The following MCF2L2 variants were observed in gnomAD, a reference collection of about 807,000 sequenced individuals.
The protein encoded by MCF2L2 is MCF.2 cell line derived transforming sequence-like 2, also known as probable guanine nucleotide exchange factor MCF2L2.
In MCF2L2, 102 loss-of-function variants were observed where a neutral mutation model predicts 150.2. The ratio of observed to expected loss-of-function variants is 0.68; its 90% CI spans 0.58 to 0.80. The LOEUF (loss-of-function observed/expected upper bound fraction) is 0.80, where lower values mean the gene tolerates loss of function less well. Ranked by LOEUF, MCF2L2 falls within the 30% of genes least tolerant of loss-of-function variation. The pLI, the probability that MCF2L2 is intolerant of heterozygous loss-of-function variation, is 0.00. For missense variants in MCF2L2, 1,256 were observed against 1,372.8 expected, an observed-to-expected ratio of 0.91 and a Z score of 1.34; for synonymous variants, 465 against 491.3, an observed-to-expected ratio of 0.95 and a Z score of 0.71.
intron 3 of MCF2L2, among the ~76,000 whole-genome samples, chr3:183,361,018 G>T (rs1228460103): frequency 8.0e-6 from 1 of 124,468 alleles, no homozygotes; most frequent in Non-Finnish European, 1.6e-5. Context: ...GAAAAGAAAA[G>T]AAAAGAGAAA....
intron 3 of MCF2L2, chr3:183,372,909 A>G (rs1245681309): frequency 6.6e-6 from 1 of 152,196 alleles, no homozygotes; most frequent in Non-Finnish European, 1.5e-5. Context: ...ACCAACAACT[A>G]TGATTGAAAC....
At position 183,343,982 on chromosome 3, in the gene MCF2L2, GCAA is replaced by G. The variant is rs912536186; in HGVS notation, c.276-2355_276-2353del. Among the ~76,000 whole-genome samples, 93 of 152,108 alleles carry G rather than the reference GCAA, an allele frequency of 6.1e-4. 1 individual carries two copies. The highest frequency in any genetic ancestry group is 2.0e-3 in the African/African-American group (81 of 41,494). ...GCTCAGGAGTTCAAGGCCGGCCTGA[GCAA>G]CAACAAGATACTATCTCTACTAAAA... On this transcript the variant is annotated intron_variant, in intron 3 of 29. Transcript: ENST00000328913.
intron 15 of MCF2L2, chr3:183,269,672 C>A: frequency 2.4e-6 from 2 of 830,926 alleles, no homozygotes; most frequent in Non-Finnish European, 3.7e-6. Flanking sequence ...AATAAGAAGA[C>A]TTCCATTTTT....
At chr3:183,196,641 C>G (rs912773038) in intron 25 of MCF2L2, among the ~76,000 whole-genome samples, 13 of 152,160 alleles carry the variant, frequency 8.5e-5, no homozygotes, top group African/African-American at 3.1e-4. Context: ...ATTTGCATCA[C>G]TCACAGAGAC....
chr3:183,362,745 A>AC (rs1254623508), intron 3 of MCF2L2, among the ~76,000 whole-genome samples: 1 of 152,082 alleles, frequency 6.6e-6, no homozygotes, highest in Non-Finnish European at 1.5e-5. Context: ...CTTGTAAACC[A>AC]CCCCAAACCA....
intron 3 of MCF2L2, among the ~76,000 whole-genome samples, chr3:183,360,813 T>C (rs1438835555): frequency 6.6e-6 from 1 of 151,514 alleles, no homozygotes; most frequent in East Asian, 1.9e-4. Context: ...CTACTAAAAA[T>C]AGAAAATTAG....
chr3:183,204,915 T>C (rs1320258972), intron 25 of MCF2L2, among the ~76,000 whole-genome samples: 3 of 152,176 alleles, frequency 2.0e-5, no homozygotes, highest in Non-Finnish European at 4.4e-5. Context: ...GGGCCATATA[T>C]GTGATGTGTA....
intron 3 of MCF2L2, among the ~76,000 whole-genome samples, chr3:183,367,245 G>A (rs1712594101): frequency 7.1e-6 from 1 of 141,186 alleles, no homozygotes; most frequent in Non-Finnish European, 1.5e-5. Context: ...TTTTTTTTGA[G>A]ATGGAGTTTC....
chr3:183,417,354 T>C (rs1343854277), intron 1 of MCF2L2, among the ~76,000 whole-genome samples: 1 of 152,174 alleles, frequency 6.6e-6, no homozygotes, highest in African/African-American at 2.4e-5. Flanking sequence ...CTTCAACTTA[T>C]GATGAAGTTA....
At chr3:183,423,008 G>A (rs2108635069) in intron 1 of MCF2L2, among the ~76,000 whole-genome samples, 1 of 152,238 alleles carries the variant, frequency 6.6e-6, no homozygotes, top group South Asian at 2.1e-4. Context: ...ATTTTATTTT[G>A]CACTTTTAAA....
intron 20 of MCF2L2, among the ~76,000 whole-genome samples, chr3:183,220,860 A>G (rs1055753805): frequency 6.6e-6 from 1 of 152,172 alleles, no homozygotes; most frequent in Admixed American, 6.5e-5. Context: ...TTTTATTATA[A>G]TTTCCAAGAG....
At chr3:183,312,320 C>T (rs1388426479) in intron 7 of MCF2L2, among the ~76,000 whole-genome samples, 2 of 152,212 alleles carry the variant, frequency 1.3e-5, no homozygotes, top group African/African-American at 2.4e-5. Context: ...AAGATTCATA[C>T]TTCCAAGCCA....
rs753247799 is a variant in MCF2L2 at position 183,270,002 on chromosome 3, A to G, written c.1862+6870T>C. On this transcript the variant is annotated intron_variant, in intron 15 of 29. Coordinates refer to ENST00000328913, the MANE Select transcript of MCF2L2 (RefSeq NM_015078.4). The surrounding 1 kb of genome is among the most constrained non-coding windows in gnomAD (Gnocchi z 4.5). ...ATACCCTGTCTCTTAAGCACACCTC[A>G]GCGGGGCCTCGCTACCAATACTTGA... The G allele has an allele frequency of 6.8e-6, 11 of 1,614,032 alleles. No individual in the cohort carries two copies. In the African/African-American group the frequency reaches 1.3e-4, roughly 20 times the overall value.
At position 183,270,425 on chromosome 3, in the gene MCF2L2, T is replaced by C; in HGVS notation, c.1862+6447A>G. On this transcript the variant is annotated intron_variant, in intron 15 of 29. Coordinates refer to ENST00000328913, the MANE Select transcript of MCF2L2 (RefSeq NM_015078.4). The surrounding 1 kb of genome is among the most constrained non-coding windows in gnomAD (Gnocchi z 4.5). ...CAAATCTGATTGAGTACCTTCAAAG[T>C]TTAGAACAAATTGGTGTTCAAGACT... 1 of 1,614,204 alleles carries C rather than the reference T, an allele frequency of 6.2e-7. No individual in the cohort carries two copies. The highest frequency in any genetic ancestry group is 8.5e-7 in the Non-Finnish European group (1 of 1,180,040).
At chr3:183,295,102 G>A (rs1039726844) in intron 13 of MCF2L2, among the ~76,000 whole-genome samples, 198 bp downstream of exon 13, 1 of 152,180 alleles carries the variant, frequency 6.6e-6, no homozygotes, top group Non-Finnish European at 1.5e-5. Context: ...TAGATTGTGT[G>A]TTTCTCCTTG....
chr3:183,374,310 TG>T, intron 3 of MCF2L2: 1 of 152,392 alleles, frequency 6.6e-6, no homozygotes, highest in Non-Finnish European at 1.5e-5. Flanking sequence ...TCTGGTGAAC[TG>T]GGATGCTCTG....
chr3:183,325,853 T>C (rs1008089529), intron 5 of MCF2L2, among the ~76,000 whole-genome samples: 1 of 152,098 alleles, frequency 6.6e-6, no homozygotes, highest in African/African-American at 2.4e-5. Flanking sequence ...AAAGTGAAAA[T>C]TAAAAACAAA....
At chr3:183,414,487 G>A (rs1364189823) in intron 1 of MCF2L2, among the ~76,000 whole-genome samples, 1 of 151,994 alleles carries the variant, frequency 6.6e-6, no homozygotes, top group African/African-American at 2.4e-5. Context: ...TATAGCTAAA[G>A]GTTAATTTTT....
At chr3:183,341,933 A>G (rs1730714276) in intron 3 of MCF2L2, among the ~76,000 whole-genome samples, 1 of 152,234 alleles carries the variant, frequency 6.6e-6, no homozygotes, top group Non-Finnish European at 1.5e-5. Context: ...CATATTCCCA[A>G]TGTAGGCGGA....
Sources: gnomAD v4.1 joint callset for allele counts (sites outside exome capture counted in the v4.1 genomes callset) on GRCh38, gnomAD v4.1.1 for gene constraint, Gnocchi (gnomAD v3.1) non-coding constraint, MANE v1.5 for transcripts, NCBI Gene and HGNC (gene_info 2026-07-23, HGNC 2026-07-21) for gene names.